Variants in EPSTI1 observed in about 807,000 individuals in gnomAD.
EPSTI1 encodes epithelial stromal interaction 1.
A neutral mutation model predicts 49.9 loss-of-function variants in EPSTI1; 66 were observed. The ratio of observed to expected loss-of-function variants is 1.32; its 90% CI spans 1.08 to 1.62. The LOEUF is 1.62. EPSTI1 is among the 40% of genes most tolerant of loss of function. The probability of loss-of-function intolerance (pLI) is 0.00; values close to 1 mark genes in which losing one functional copy is unlikely to be tolerated. For synonymous variants in EPSTI1, 137 were observed against 130.7 expected, an observed-to-expected ratio of 1.05 and a Z score of -0.33; for missense variants, 394 against 365.5, an observed-to-expected ratio of 1.08 and a Z score of -0.64.
intron 10 of EPSTI1, among the ~76,000 whole-genome samples, chr13:42,890,018 T>C (rs2036982504): frequency 6.6e-6 from 1 of 152,206 alleles, no homozygotes; most frequent in Admixed American, 6.5e-5. Context: ...CCCCCAGTGA[T>C]GTGCTCTGCC....
chr13:42,940,789 TC>T (rs1244409129), intron 6 of EPSTI1, among the ~76,000 whole-genome samples: 1 of 152,248 alleles, frequency 6.6e-6, no homozygotes, highest in Non-Finnish European at 1.5e-5. Context: ...TGAAGTATTA[TC>T]AATCCATTGA....
intron 3 of EPSTI1, 123 bp from the exon 4 acceptor site, chr13:42,964,262 C>T: frequency 1.5e-6 from 1 of 645,328 alleles, no homozygotes; most frequent in Non-Finnish European, 2.5e-6. Flanking sequence ...CATGCTCTTG[C>T]AAATAAGAAC....
chr13:42,908,565 A>C (rs2037568565), intron 8 of EPSTI1, among the ~76,000 whole-genome samples: 2 of 152,092 alleles, frequency 1.3e-5, no homozygotes, highest in Non-Finnish European at 2.9e-5. Flanking sequence ...TTTTTGGATA[A>C]GACTTTAAAA....
intron 9 of EPSTI1, among the ~76,000 whole-genome samples, chr13:42,899,053 C>T (rs9533296): frequency 0.16 from 23,787 of 151,722 alleles, 1,925 homozygotes; most frequent in African/African-American, 0.17. Flanking sequence ...CAAAAATTAG[C>T]TGGGCATGGT....
At chr13:42,989,273 G>A (rs567709855) in intron 1 of EPSTI1, among the ~76,000 whole-genome samples, 8 of 152,092 alleles carry the variant, frequency 5.3e-5, no homozygotes, top group Middle Eastern at 3.4e-3. Context: ...ACATATACAC[G>A]TGGAAAAATT....
chr13:42,968,565 G>C (rs896572666), intron 3 of EPSTI1, among the ~76,000 whole-genome samples: 1 of 152,038 alleles, frequency 6.6e-6, no homozygotes, highest in Non-Finnish European at 1.5e-5. Flanking sequence ...CATCACACTG[G>C]CAGCACCTGC....
chr13:42,914,977 T>C (rs2037790074), intron 8 of EPSTI1, among the ~76,000 whole-genome samples: 1 of 152,172 alleles, frequency 6.6e-6, no homozygotes, highest in African/African-American at 2.4e-5. Context: ...CCAAGAGTAA[T>C]TAAAAATGTG....
chr13:42,968,986 A>G, intron 3 of EPSTI1, 108 bp downstream of exon 3: 1 of 1,027,494 alleles, frequency 9.7e-7, no homozygotes, highest in South Asian at 1.3e-5. Context: ...CAGCACAATG[A>G]CCAAACAAAC....
At chr13:42,957,961 G>A (rs902761796) in intron 5 of EPSTI1, among the ~76,000 whole-genome samples, 5 of 152,202 alleles carry the variant, frequency 3.3e-5, no homozygotes, top group African/African-American at 9.7e-5. Context: ...TTTAAGAGCT[G>A]GGGTTTCACC....
At chr13:42,930,808 G>T (rs2038338619) in intron 6 of EPSTI1, among the ~76,000 whole-genome samples, 1 of 152,134 alleles carries the variant, frequency 6.6e-6, no homozygotes, top group Non-Finnish European at 1.5e-5. Flanking sequence ...ATCATGAATT[G>T]TCAGGTATGT....
Position 42,992,103 on chromosome 13 carries a change from G to C in EPSTI1, c.63C>G (p.Thr21=). Residue 21 remains threonine (T), a synonymous_variant, in exon 1 of 11, where the codon ACC becomes ACG. Coordinates refer to ENST00000313624, the MANE Select transcript of EPSTI1 (RefSeq NM_033255.5). ...GCCCAGAAGGGTCCTGGGGATCCCG[G>C]GTCGGGCGGGAGGCAGGGGAGGCGC... ...GLGASPASRP[T]RDPQDPSGRQ... 5 of 1,611,858 alleles carry C rather than the reference G, an allele frequency of 3.1e-6. No homozygotes were observed. The South Asian group carries it at 5.5e-5, about 18-fold the overall frequency.
At chr13:42,935,314 A>G (rs2038522685) in intron 6 of EPSTI1, among the ~76,000 whole-genome samples, 1 of 152,184 alleles carries the variant, frequency 6.6e-6, no homozygotes, top group Admixed American at 6.5e-5. Flanking sequence ...CATTTTTTAA[A>G]TCTTTCCCTT....
At chr13:42,938,105 T>C (rs1170922879) in intron 6 of EPSTI1, among the ~76,000 whole-genome samples, 1 of 152,032 alleles carries the variant, frequency 6.6e-6, no homozygotes, top group Non-Finnish European at 1.5e-5. Context: ...TTCCCAAACC[T>C]TGGTTCTTGG....
intron 5 of EPSTI1, among the ~76,000 whole-genome samples, chr13:42,961,838 A>T (rs981113027): frequency 1.3e-5 from 2 of 152,278 alleles, no homozygotes; most frequent in South Asian, 4.1e-4. Context: ...TACTTGGCTC[A>T]GAGTTTACTG....
Position 42,969,086 on chromosome 13 carries a change from T to C in EPSTI1, c.331+8A>G, listed in dbSNP as rs774858695. On this transcript the variant is annotated splice_region_variant and intron_variant, in intron 3 of 10. Transcript: ENST00000313624. ...TCCCTCATTCCGGCAGCGGCTGTGC[T>C]TGCTTACCTAGCCGTCTGGGCACCA... 4.3e-6 allele frequency: 7 copies of C among 1,614,116 alleles called. No individual in the cohort carries two copies. The African/African-American group carries it at 8.0e-5, about 18-fold the overall frequency.
At chr13:42,980,248 A>T (rs1296130425) in intron 1 of EPSTI1, among the ~76,000 whole-genome samples, 14 of 152,194 alleles carry the variant, frequency 9.2e-5, no homozygotes, top group Non-Finnish European at 1.9e-4. Flanking sequence ...CGTCTATATG[A>T]TGGAGTGCAA....
chr13:42,989,663 G>C (rs1404391603), intron 1 of EPSTI1, among the ~76,000 whole-genome samples: 1 of 147,756 alleles, frequency 6.8e-6, no homozygotes, highest in Non-Finnish European at 1.5e-5. Context: ...GCGCGATCTC[G>C]GCTCACTGCA....
chr13:42,942,172 T>C (rs1424587118), intron 6 of EPSTI1, among the ~76,000 whole-genome samples: 2 of 152,194 alleles, frequency 1.3e-5, no homozygotes, highest in African/African-American at 4.8e-5. Flanking sequence ...TTTGTTAACA[T>C]TTACGTGTAT....
chr13:42,940,182 G>A (rs1297709012), intron 6 of EPSTI1, among the ~76,000 whole-genome samples: 4 of 152,090 alleles, frequency 2.6e-5, no homozygotes, highest in African/African-American at 4.8e-5. Flanking sequence ...ACTTCAGCCC[G>A]AACATACCAG....
Sources: gnomAD v4.1 joint callset for allele counts (sites outside exome capture counted in the v4.1 genomes callset) on GRCh38, gnomAD v4.1.1 for gene constraint, MANE v1.5 for transcripts, NCBI Gene and HGNC (gene_info 2026-07-23, HGNC 2026-07-21) for gene names.